Variants in WWOX observed in about 807,000 individuals in gnomAD.
The protein encoded by WWOX is WW domain containing oxidoreductase.
In WWOX, 69 loss-of-function variants were observed where a neutral mutation model predicts 46.2. The observed-to-expected ratio is 1.49, with a 90% CI of 1.23 to 1.82. The LOEUF (loss-of-function observed/expected upper bound fraction) is 1.82, where lower values mean the gene tolerates loss of function less well. WWOX is among the 40% of genes most tolerant of loss of function. WWOX has a pLI of 0.00. For synonymous variants in WWOX, 359 were observed against 202.6 expected (o/e 1.77, Z -6.56); for missense variants, 919 against 542.6 (o/e 1.69, Z -6.89).
At chr16:78,258,939 G>T (rs1478634695) in intron 5 of WWOX, among the ~76,000 whole-genome samples, 1 of 152,090 alleles carries the variant, frequency 6.6e-6, no homozygotes, top group Non-Finnish European at 1.5e-5. Context: ...ACATGTGTTT[G>T]GCCTGCAAAC....
chr16:78,116,514 A>C (rs1056938412), intron 4 of WWOX, among the ~76,000 whole-genome samples: 2 of 152,304 alleles, frequency 1.3e-5, no homozygotes, highest in African/African-American at 2.4e-5. Flanking sequence ...TTTTATTTCA[A>C]ATCAACTCTC....
chr16:78,494,461 A>G lies in WWOX; in HGVS notation c.1056+61709A>G, dbSNP rs1729375924. On this transcript the variant is annotated intron_variant, in intron 8 of 8. Coordinates refer to ENST00000566780, the MANE Select transcript of WWOX (RefSeq NM_016373.4). ...TTCCTTTTGCATTTTGGATGGTTTA[A>G]TAAATAAGATTGATACAAACACAAG... Among the ~76,000 whole-genome samples, 5 of 141,294 alleles carry G rather than the reference A, an allele frequency of 3.5e-5. No individual in the cohort carries two copies. In the South Asian group the frequency reaches 1.2e-3, roughly 34 times the overall value. The allele number at this position is 141,294 out of a possible 152,430, so 92.7% of individuals were successfully genotyped here.
intron 8 of WWOX, among the ~76,000 whole-genome samples, chr16:78,559,739 G>C (rs1233835377): frequency 6.6e-6 from 1 of 152,138 alleles, no homozygotes; most frequent in Non-Finnish European, 1.5e-5. Flanking sequence ...CTGGTAGAAA[G>C]TTCTAACTAA....
chr16:78,323,952 C>T (rs2080549808), intron 5 of WWOX, among the ~76,000 whole-genome samples: 1 of 152,138 alleles, frequency 6.6e-6, no homozygotes, highest in African/African-American at 2.4e-5. Flanking sequence ...CAGCTGGGTG[C>T]TGGGCACTGT....
chr16:78,853,206 T>C (rs1219299785), intron 8 of WWOX, among the ~76,000 whole-genome samples: 1 of 152,162 alleles, frequency 6.6e-6, no homozygotes, highest in Non-Finnish European at 1.5e-5. Context: ...ATAGCAGGTA[T>C]AATTATTATT....
intron 8 of WWOX, chr16:78,873,651 A>G (rs1216967621): frequency 6.6e-6 from 1 of 152,108 alleles, no homozygotes; most frequent in African/African-American, 2.4e-5. Context: ...TCAGCTGGGC[A>G]TGATGTTGCA....
chr16:78,558,250 G>T (rs1006319524), intron 8 of WWOX, among the ~76,000 whole-genome samples: 2 of 152,192 alleles, frequency 1.3e-5, no homozygotes, highest in African/African-American at 4.8e-5. Flanking sequence ...AATTTCTAGT[G>T]CCTGGAGTCT....
At chr16:78,115,285 C>A in intron 4 of WWOX, 131 bp downstream of exon 4, 2 of 1,075,274 alleles carry the variant, frequency 1.9e-6, no homozygotes, top group Non-Finnish European at 2.8e-6. Flanking sequence ...GATATCGTTT[C>A]ATTAACATCA....
chr16:78,485,821 G>A (rs1237368405), intron 8 of WWOX, among the ~76,000 whole-genome samples: 3 of 152,120 alleles, frequency 2.0e-5, no homozygotes, highest in Non-Finnish European at 4.4e-5. Flanking sequence ...ACTTTCCACC[G>A]CCACTCCTGG....
intron 8 of WWOX, among the ~76,000 whole-genome samples, chr16:78,924,561 C>T (rs2045455286): frequency 6.6e-6 from 1 of 152,124 alleles, no homozygotes; most frequent in Non-Finnish European, 1.5e-5. Context: ...AAAATCCTTC[C>T]ACTGTTGTTA....
chr16:79,100,850 G>A (rs2049177675), intron 8 of WWOX, among the ~76,000 whole-genome samples: 1 of 151,956 alleles, frequency 6.6e-6, no homozygotes. Context: ...TTAGAGCAGA[G>A]GGCAGTGGAA....
At chr16:78,995,293 G>A (rs1039543373) in intron 8 of WWOX, among the ~76,000 whole-genome samples, 3 of 152,062 alleles carry the variant, frequency 2.0e-5, no homozygotes, top group South Asian at 2.1e-4. Flanking sequence ...TGGATGCATC[G>A]CGGCCAGTCT....
chr16:79,108,974 A>G (rs935604390), intron 8 of WWOX, among the ~76,000 whole-genome samples: 1 of 151,922 alleles, frequency 6.6e-6, no homozygotes, highest in Non-Finnish European at 1.5e-5. Flanking sequence ...CATCTGAGCA[A>G]CATTATCCTT....
At chr16:78,246,920 C>A (rs768449684) in intron 5 of WWOX, among the ~76,000 whole-genome samples, 5 of 152,090 alleles carry the variant, frequency 3.3e-5, no homozygotes, top group African/African-American at 1.2e-4. Context: ...TTCGGAGCCA[C>A]AAGAATGCAA....
At chr16:79,123,239 G>T (rs2049676970) in intron 8 of WWOX, among the ~76,000 whole-genome samples, 2 of 152,044 alleles carry the variant, frequency 1.3e-5, no homozygotes, top group Non-Finnish European at 2.9e-5. Context: ...GCAATTGCCT[G>T]ACTCTGTCCT....
chr16:78,813,923 C>T (rs1342677863), intron 8 of WWOX, among the ~76,000 whole-genome samples: 1 of 152,150 alleles, frequency 6.6e-6, no homozygotes, highest in African/African-American at 2.4e-5. Context: ...AATGTAGAGG[C>T]CCCAGTGTTA....
chr16:78,142,985 C>G (rs2034038365), intron 4 of WWOX, among the ~76,000 whole-genome samples: 1 of 152,090 alleles, frequency 6.6e-6, no homozygotes, highest in Non-Finnish European at 1.5e-5. Flanking sequence ...TTGGCTTTCT[C>G]CAGAATTCTA....
In WWOX at chr16:78,818,943, T is replaced by G. The variant is rs76034407; in HGVS notation, c.1056+386191T>G. 1.9e-3 allele frequency among the ~76,000 whole-genome samples: 288 copies of G among 152,288 alleles called. 3 individuals are homozygous for G. The highest frequency in any genetic ancestry group is 6.7e-3 in the African/African-American group (278 of 41,562). On this transcript the variant is annotated intron_variant, in intron 8 of 8. Transcript: ENST00000566780. ...GGAAACCTAGACTTGCACCCTGATTTCTGAGTTGAATGTTCCAGGGTAAGC... is the reference window on the plus strand; with the variant it reads ...GGAAACCTAGACTTGCACCCTGATTGCTGAGTTGAATGTTCCAGGGTAAGC...
intron 8 of WWOX, among the ~76,000 whole-genome samples, chr16:78,568,474 CTTTT>C (rs200073404): frequency 1.5e-5 from 2 of 133,390 alleles, no homozygotes; most frequent in South Asian, 2.4e-4. Context: ...AAGCTTCCAA[CTTTT>C]TTTTTTTTTT....
Sources: allele counts gnomAD v4.1 joint callset (sites outside exome capture counted in the v4.1 genomes callset), GRCh38; gene constraint gnomAD v4.1.1; transcripts MANE v1.5; gene names NCBI Gene and HGNC (gene_info 2026-07-23, HGNC 2026-07-21).